Variants in KIAA2013 observed in about 807,000 individuals in gnomAD.
KIAA2013 encodes uncharacterized protein KIAA2013.
Under a neutral mutation model 39.9 loss-of-function variants are expected in KIAA2013, and 20 were observed. The ratio of observed to expected loss-of-function variants is 0.50; its 90% CI spans 0.35 to 0.73. The LOEUF is 0.73. KIAA2013 is among the 30% of genes least tolerant of loss of function. The pLI, the probability that KIAA2013 is intolerant of heterozygous loss-of-function variation, is 0.01. For synonymous variants in KIAA2013, 336 were observed against 416.6 expected (o/e 0.81, Z 2.35); for missense variants, 587 against 856.1 (o/e 0.69, Z 3.92).
rs1645505895 is a variant in KIAA2013, at chr1:11,926,101, C to T, written c.137G>A (p.Gly46Asp). Residue 46 changes from glycine to aspartate, a missense_variant, in exon 1 of 3, where the codon GGC (glycine) becomes GAC (aspartate). Physicochemically the swap from Gly to Asp is moderately conservative, Grantham distance 94. Transcript: ENST00000376572. ...GGSGARRAAG[G>D]LHLLPWSRGE... ...GCGGGACCAGGGCAGCAGGTGCAGGCCGCCCGCCGCCCGCCGCGCGCCGGA... is the reference window on the plus strand; with the variant it reads ...GCGGGACCAGGGCAGCAGGTGCAGGTCGCCCGCCGCCCGCCGCGCGCCGGA... The T allele has an allele frequency of 1.4e-6, 2 of 1,408,696 alleles. No homozygotes were observed. Among genetic ancestry groups the T allele is most frequent in the Middle Eastern group, 2.6e-4 (1 of 3,838 alleles). 87.3% of individuals were successfully genotyped at this position (1,408,696 alleles called of 1,614,324 possible). A position where few individuals can be genotyped will look rare whatever the true frequency, so the allele number is the denominator to read the frequency against.
Position 11,925,353 on chromosome 1 carries a change from A to C in KIAA2013, c.885T>G (p.Ile295Met). Residue 295 changes from isoleucine to methionine, a missense_variant, in exon 1 of 3, where the codon ATT becomes ATG. Ile to Met is a conservative substitution (Grantham distance 10, BLOSUM62 1). Coordinates refer to ENST00000376572, the MANE Select transcript of KIAA2013 (RefSeq NM_138346.3). This position sits in a 1 kb window ranked among gnomAD's most constrained non-coding sequence, Gnocchi z 5.2. ...CTTTGCTTTTGAGCACCTGGGGGTT[A>C]ATGGGGCCAGAGACGTGCACCACCC... ...VLWVVHVSGP[I>M]NPQVLKSKAA... 1 of 1,613,880 alleles carries C rather than the reference A, an allele frequency of 6.2e-7. No individual in the cohort carries two copies. Among genetic ancestry groups the C allele is most frequent in the Non-Finnish European group, 8.5e-7 (1 of 1,179,856 alleles).
At position 11,925,765 on chromosome 1, in the gene KIAA2013, C is replaced by T. The variant is rs1385167732; in HGVS notation, c.473G>A (p.Gly158Glu). ...LLRRVRCLQL[G>E]SPGPGPVAAG... ...GGCCACGGGGCCAGGACCTGGGGAC[C>T]CCAGCTGCAGGCAACGCACGCGGCG... The change falls in exon 1 of 3, where the codon GGG becomes GAG. Residue 158 changes from glycine (G) to glutamate (E), a missense_variant. Coordinates refer to ENST00000376572, the MANE Select transcript of KIAA2013 (RefSeq NM_138346.3). This position sits in a 1 kb window ranked among gnomAD's most constrained non-coding sequence, Gnocchi z 5.2. The T allele has an allele frequency of 3.2e-6, 5 of 1,545,840 alleles. No individual in the cohort carries two copies. Among genetic ancestry groups the T allele is most frequent in the Non-Finnish European group, 4.3e-6 (5 of 1,153,470 alleles).
rs1259719789 is a variant in KIAA2013 at position 11,925,844 on chromosome 1, T to C, written c.394A>G (p.Ser132Gly). 6.5e-7 allele frequency: 1 copy of C among 1,533,224 alleles called. No individual in the cohort carries two copies. Among genetic ancestry groups the C allele is most frequent in the Non-Finnish European group, 8.7e-7 (1 of 1,147,238 alleles). 95.0% of individuals were successfully genotyped at this position (1,533,224 alleles called of 1,614,324 possible). Residue 132 changes from serine (S) to glycine (G), a missense_variant, in exon 1 of 3, where the codon AGC becomes GGC. By Grantham distance (56) the Ser-to-Gly change is moderately conservative. Transcript: ENST00000376572. This position sits in a 1 kb window ranked among gnomAD's most constrained non-coding sequence, Gnocchi z 5.2. ...GCCTCTCCAGCTTCAGCCAGCGCGC[T>C]CAGCGGGCGCAGCTGCACGAAGGGC... ...FVPFVQLRPL[S>G]ALAEAGEAVL...
chr1:11,921,046 AGGGAG>A (rs1391807846), intron 2 of KIAA2013, among the ~76,000 whole-genome samples: 4 of 151,080 alleles, frequency 2.6e-5, no homozygotes, highest in African/African-American at 9.8e-5. Context: ...AAAGAAGAGA[AGGGAG>A]GGGAGGGGAG....
intron 2 of KIAA2013, 94 bp from the exon 3 acceptor site, chr1:11,920,426 C>G: frequency 7.8e-7 from 1 of 1,285,096 alleles, no homozygotes; most frequent in South Asian, 1.2e-5. Flanking sequence ...CTAGTGGCAC[C>G]ACACCCTGGC....
intron 2 of KIAA2013, 73 bp downstream of exon 2, chr1:11,922,563 C>A (rs772260384): frequency 6.3e-7 from 1 of 1,578,468 alleles, no homozygotes; most frequent in Admixed American, 1.9e-5. Context: ...CCTCGCCAGG[C>A]TAGCCCCTTC....
In KIAA2013 at chr1:11,926,041, A is replaced by G. The variant is rs1369725546; in HGVS notation, c.197T>C (p.Leu66Pro). 6.7e-7 allele frequency: 1 copy of G among 1,492,650 alleles called. No individual in the cohort carries two copies. Among genetic ancestry groups the G allele is most frequent in the Admixed American group, 2.2e-5 (1 of 45,724 alleles). The allele number at this position is 1,492,650 out of a possible 1,614,324, so 92.5% of individuals were successfully genotyped here. A position where few individuals can be genotyped will look rare whatever the true frequency, so the allele number is the denominator to read the frequency against. ...GCGCCAGGCGCGGGTGGCCGCCTCCAGGCAGGCAGACGGCTCGGCGGCGCC... is the reference window on the plus strand; with the variant it reads ...GCGCCAGGCGCGGGTGGCCGCCTCCGGGCAGGCAGACGGCTCGGCGGCGCC... ...EPGAAEPSAC[L>P]EAATRAWRGL... The change falls in exon 1 of 3, where the codon CTG (leucine) becomes CCG (proline). Residue 66 changes from leucine to proline, a missense_variant. By Grantham distance (98) the Leu-to-Pro change is moderately conservative. Transcript: ENST00000376572.
At chr1:11,921,231 G>A (rs1228319796) in intron 2 of KIAA2013, among the ~76,000 whole-genome samples, 1 of 152,192 alleles carries the variant, frequency 6.6e-6, no homozygotes, top group Non-Finnish European at 1.5e-5. Flanking sequence ...GGGCACAGTA[G>A]GCAGCCTCAC....
rs80243575 is a variant in KIAA2013, at chr1:11,923,098, G to A, written c.1425C>T (p.Asp475=). The part of the protein sequence containing the change: ...ENHLQFQADP[D]VLHNSYALHG... ...GCAATGCATAGCTGTTGTGCAGCAC[G>A]TCGGGGTCGGCCTGGAACTGGAGGT... is the stretch of plus-strand genomic sequence containing the variant. Residue 475 remains aspartate, a synonymous_variant, in exon 2 of 3, where the codon GAC becomes GAT. Coordinates refer to ENST00000376572, the MANE Select transcript of KIAA2013 (RefSeq NM_138346.3). The surrounding 1 kb of genome is among the most constrained non-coding windows in gnomAD (Gnocchi z 4.6). 1.7e-5 allele frequency: 27 copies of A among 1,610,172 alleles called. No homozygotes were observed. In the South Asian group the frequency reaches 2.4e-4, roughly 14 times the overall value.
rs1484168209 is a variant in KIAA2013, at chr1:11,922,711, G to A, written c.1812C>T (p.Leu604=). ...FWFSVASLIT[L]FHLFLFKLIY... is the part of the protein sequence containing the mutation. ...TGAGCTTGAAGAGGAAGAGGTGGAA[G>A]AGGGTGATTAGGGAGGCCACGCTGA... The change falls in exon 2 of 3, where the codon CTC becomes CTT. Residue 604 remains leucine, a synonymous_variant. Coordinates refer to ENST00000376572, the MANE Select transcript of KIAA2013 (RefSeq NM_138346.3). 4.3e-6 allele frequency: 7 copies of A among 1,613,736 alleles called. No homozygotes were observed. The highest frequency in any genetic ancestry group is 2.7e-5 in the African/African-American group (2 of 74,952).
rs923092254 is a variant in KIAA2013, at chr1:11,923,557, G to C, written c.1034-68C>G. 2.0e-5 allele frequency: 30 copies of C among 1,519,650 alleles called. No individual in the cohort carries two copies. In the African/African-American group the frequency reaches 3.8e-4, roughly 19 times the overall value. The allele number at this position is 1,519,650 out of a possible 1,614,324, so 94.1% of individuals were successfully genotyped here. A position where few individuals can be genotyped will look rare whatever the true frequency, so the allele number is the denominator to read the frequency against. On this transcript the variant is annotated intron_variant, in intron 1 of 2. Coordinates refer to ENST00000376572, the MANE Select transcript of KIAA2013 (RefSeq NM_138346.3). The surrounding 1 kb of genome is among the most constrained non-coding windows in gnomAD (Gnocchi z 4.6). Reference sequence around the variant, plus strand: ...TGGGAGGCAGAGCATACGAAATAAAGACCAAGGGCAGCAGAAGAGTGAGGT... The same window carrying C: ...TGGGAGGCAGAGCATACGAAATAAACACCAAGGGCAGCAGAAGAGTGAGGT...
intron 1 of KIAA2013, among the ~76,000 whole-genome samples, chr1:11,924,176 T>C (rs1183377618): frequency 6.6e-6 from 1 of 151,956 alleles, no homozygotes; most frequent in Admixed American, 6.6e-5. Context: ...AAGATGACCA[T>C]CCTCTCGCCG....
Position 11,923,018 on chromosome 1 carries a change from T to A in KIAA2013, c.1505A>T (p.Glu502Val). 5 of 1,611,254 alleles carry A rather than the reference T, an allele frequency of 3.1e-6. No homozygotes were observed. The highest frequency in any genetic ancestry group is 3.4e-6 in the Non-Finnish European group (4 of 1,177,624). ...HINLAVLADAEGKPYLHVSVE... is the reference protein window; with the variant it reads ...HINLAVLADAVGKPYLHVSVE... The stretch of plus-strand genomic sequence containing the variant: ...GGACACGTGTAGGTAGGGCTTGCCC[T>A]CGGCATCCGCCAGCACGGCCAGGTT... Residue 502 changes from glutamate (E) to valine (V), a missense_variant, in exon 2 of 3, where the codon GAG becomes GTG. Glu to Val is a moderately radical substitution (Grantham distance 121). Transcript: ENST00000376572. The surrounding 1 kb of genome is among the most constrained non-coding windows in gnomAD (Gnocchi z 4.6).
chr1:11,922,289 A>C, intron 2 of KIAA2013: 1 of 1,282,928 alleles, frequency 7.8e-7, no homozygotes, highest in South Asian at 1.9e-5. Flanking sequence ...TCCTGGGCTC[A>C]AGGGATTCTC....
chr1:11,921,440 A>T (rs1428584046), intron 2 of KIAA2013, among the ~76,000 whole-genome samples: 1 of 152,196 alleles, frequency 6.6e-6, no homozygotes, highest in Non-Finnish European at 1.5e-5. Context: ...TGCCATGAAC[A>T]GGCACATGGG....
rs199517535 is a variant in KIAA2013, at chr1:11,922,649, A to T, written c.1874T>A (p.Leu625His). The change falls in exon 2 of 3, where the codon CTC (leucine) becomes CAC (histidine). Residue 625 changes from leucine to histidine, a missense_variant. Transcript: ENST00000376572. ...GCGGCTTCCTACCTTACTCCTGAAG[A>T]GGGGCTTGGCTCCAGGCCCACAGTA... is the stretch of plus-strand genomic sequence containing the variant. ...NEYCGPGAKP[L>H]FRSKEDPSV 84 of 1,613,258 alleles carry T rather than the reference A, an allele frequency of 5.2e-5. No homozygotes were observed. Among genetic ancestry groups the T allele is most frequent in the Non-Finnish European group, 6.7e-5 (79 of 1,179,790 alleles).
intron 2 of KIAA2013, 48 bp downstream of exon 2, chr1:11,922,588 G>GAGAGCA (rs1293847977): frequency 6.2e-7 from 1 of 1,601,566 alleles, no homozygotes; most frequent in Non-Finnish European, 8.5e-7. Context: ...ACACAGGGCT[G>GAGAGCA]AGAGCAAGGC....
intron 2 of KIAA2013, among the ~76,000 whole-genome samples, chr1:11,921,031 GGAGAA>G (rs750554641): frequency 3.9e-5 from 6 of 151,994 alleles, no homozygotes; most frequent in Admixed American, 2.6e-4. Context: ...AGAAGATAAA[GGAGAA>G]AAGAAGAGAA....
In KIAA2013 at chr1:11,922,892, G is replaced by A. The variant is rs781336421; in HGVS notation, c.1631C>T (p.Ser544Leu). ...CGTGATGGGCTGTGTCACCATGACC[G>A]AGAAGGTGTGGCCCGTGGGCGCCGA... ...LTSAPTGHTF[S>L]VMVTQPITPL... is the part of the protein sequence containing the mutation. Residue 544 changes from serine to leucine, a missense_variant, in exon 2 of 3, where the codon TCG becomes TTG. By Grantham distance (145) the Ser-to-Leu change is moderately radical (BLOSUM62 -2). Coordinates refer to ENST00000376572, the MANE Select transcript of KIAA2013 (RefSeq NM_138346.3). The A allele has an allele frequency of 3.7e-5, 60 of 1,612,076 alleles. No individual in the cohort carries two copies. In the East Asian group the frequency reaches 6.5e-4, roughly 17 times the overall value.
Sources: gnomAD v4.1 joint callset for allele counts (sites outside exome capture counted in the v4.1 genomes callset) on GRCh38, gnomAD v4.1.1 for gene constraint, Gnocchi (gnomAD v3.1) non-coding constraint, MANE v1.5 for transcripts, NCBI Gene and HGNC (gene_info 2026-07-23, HGNC 2026-07-21) for gene names.